PPFIA2: variants seen among roughly 807,000 people sequenced by gnomAD.
PPFIA2 encodes liprin-alpha-2.
Under a neutral mutation model 175.5 loss-of-function variants are expected in PPFIA2, and 46 were observed. The ratio of observed to expected loss-of-function variants is 0.26; its 90% CI spans 0.21 to 0.34. PPFIA2 has a LOEUF of 0.34. PPFIA2 is among the 10% of genes least tolerant of loss of function. The pLI is 1.00. For missense variants in PPFIA2, 1,179 were observed against 1,506.1 expected, an observed-to-expected ratio of 0.78 and a Z score of 3.60; for synonymous variants, 568 against 511.4, an observed-to-expected ratio of 1.11 and a Z score of -1.49.
intron 4 of PPFIA2, among the ~76,000 whole-genome samples, chr12:81,646,570 G>A (rs1296309278): frequency 6.6e-6 from 1 of 152,154 alleles, no homozygotes; most frequent in Non-Finnish European, 1.5e-5. Context: ...AAAGTCTTCT[G>A]AAAGTTAAAA....
At chr12:81,747,823 T>C (rs557024578) in intron 3 of PPFIA2, among the ~76,000 whole-genome samples, 2 of 144,376 alleles carry the variant, frequency 1.4e-5, no homozygotes, top group East Asian at 2.1e-4. Context: ...GTTTGAATTT[T>C]AGAATGTCAA....
chr12:81,553,407 G>C (rs1189272441), intron 4 of PPFIA2, among the ~76,000 whole-genome samples: 4 of 151,992 alleles, frequency 2.6e-5, no homozygotes, highest in Non-Finnish European at 1.5e-5. Context: ...ACGTTAGCTT[G>C]TCCTACTCCC....
chr12:81,578,336 G>C (rs972584842), intron 4 of PPFIA2, among the ~76,000 whole-genome samples: 1 of 151,556 alleles, frequency 6.6e-6, no homozygotes. Flanking sequence ...TTGTCCTTGA[G>C]GTTATCAACC....
chr12:81,466,943 A>AAT (rs937140903), intron 4 of PPFIA2, among the ~76,000 whole-genome samples: 27 of 147,786 alleles, frequency 1.8e-4, no homozygotes, highest in African/African-American at 2.9e-4. Flanking sequence ...AATATACATA[A>AAT]ATATATATAT....
At chr12:81,624,439 AT>A (rs1567615784) in intron 4 of PPFIA2, among the ~76,000 whole-genome samples, 8 of 146,982 alleles carry the variant, frequency 5.4e-5, no homozygotes, top group Non-Finnish European at 9.0e-5. Context: ...ATATACATAT[AT>A]TATATGTATA....
chr12:81,468,305 C>T (rs1416829147), intron 4 of PPFIA2, among the ~76,000 whole-genome samples: 1 of 152,160 alleles, frequency 6.6e-6, no homozygotes, highest in East Asian at 1.9e-4. Flanking sequence ...TTATTTGATG[C>T]TTCATGCATT....
chr12:81,316,118 C>A (rs1259753673), intron 22 of PPFIA2, among the ~76,000 whole-genome samples: 1 of 151,488 alleles, frequency 6.6e-6, no homozygotes, highest in Non-Finnish European at 1.5e-5. Context: ...TACACACACA[C>A]ACACATATAT....
intron 3 of PPFIA2, among the ~76,000 whole-genome samples, chr12:81,713,739 T>C (rs963729702): frequency 2.0e-5 from 3 of 151,240 alleles, no homozygotes; most frequent in Non-Finnish European, 4.4e-5. Context: ...TTTATTGCTG[T>C]CTAATTTTAC....
chr12:81,413,988 T>C (rs1192665797), intron 7 of PPFIA2, among the ~76,000 whole-genome samples: 2 of 151,762 alleles, frequency 1.3e-5, no homozygotes, highest in Non-Finnish European at 3.0e-5. Context: ...ATGCCCCATA[T>C]GAAATAAAAC....
chr12:81,502,054 CAGAA>C, intron 4 of PPFIA2, among the ~76,000 whole-genome samples: 1 of 152,284 alleles, frequency 6.6e-6, no homozygotes, highest in Middle Eastern at 3.4e-3. Context: ...CATATTTTCA[CAGAA>C]ACCATGCCCT....
chr12:81,531,785 C>A (rs1300389008), intron 4 of PPFIA2, among the ~76,000 whole-genome samples: 1 of 151,476 alleles, frequency 6.6e-6, no homozygotes, highest in African/African-American at 2.4e-5. Flanking sequence ...AGGTAAGGTA[C>A]CCTTGACTGG....
Position 81,556,359 on chromosome 12 carries a change from T to C in PPFIA2, c.304-98493A>G, listed in dbSNP as rs2068859621. ...TCATGAATAATGCAAATGGGTTTAT[T>C]GGGGTCCTAACATTTTAAACTACAT... On this transcript the variant is annotated intron_variant, in intron 4 of 32. Transcript: ENST00000549396. 2.0e-5 allele frequency among the ~76,000 whole-genome samples: 3 copies of C among 151,940 alleles called. No homozygotes were observed. The South Asian group carries it at 6.2e-4, about 31-fold the overall frequency.
chr12:81,321,073 G>GAGAGA (rs59934095), intron 22 of PPFIA2, among the ~76,000 whole-genome samples: 4 of 151,018 alleles, frequency 2.6e-5, no homozygotes, highest in South Asian at 2.1e-4. Flanking sequence ...GAGAGAGAGA[G>GAGAGA]GAAAAAGAAA....
At chr12:81,507,563 T>G (rs2061315255) in intron 4 of PPFIA2, among the ~76,000 whole-genome samples, 1 of 152,200 alleles carries the variant, frequency 6.6e-6, no homozygotes, top group African/African-American at 2.4e-5. Context: ...CTCTCTTTTA[T>G]TTTTTATTCA....
chr12:81,622,646 A>T (rs1333098123), intron 4 of PPFIA2, among the ~76,000 whole-genome samples: 1 of 152,112 alleles, frequency 6.6e-6, no homozygotes, highest in Non-Finnish European at 1.5e-5. Flanking sequence ...AACTACCAAA[A>T]TCCTAAAAAG....
intron 4 of PPFIA2, among the ~76,000 whole-genome samples, chr12:81,586,062 T>C (rs2075268368): frequency 6.6e-6 from 1 of 151,988 alleles, no homozygotes; most frequent in South Asian, 2.1e-4. Context: ...CACTTTGTCA[T>C]TGACCACAAT....
intron 27 of PPFIA2, among the ~76,000 whole-genome samples, chr12:81,280,277 A>T (rs1305671674): frequency 6.6e-6 from 1 of 152,184 alleles, no homozygotes; most frequent in Non-Finnish European, 1.5e-5. Context: ...TGGATTCTCC[A>T]TCCAGCACTT....
chr12:81,311,998 A>G (rs1391474640), intron 22 of PPFIA2: 1 of 641,124 alleles, frequency 1.6e-6, no homozygotes, highest in Non-Finnish European at 2.6e-6. Flanking sequence ...TGAACCAATG[A>G]TTCCTTTTAC....
intron 4 of PPFIA2, among the ~76,000 whole-genome samples, chr12:81,624,589 A>G (rs2062469149): frequency 6.8e-6 from 1 of 146,524 alleles, no homozygotes; most frequent in Non-Finnish European, 1.5e-5. Context: ...AAATATATAT[A>G]TATCATATAT....
Sources: allele counts gnomAD v4.1 joint callset (sites outside exome capture counted in the v4.1 genomes callset), GRCh38; gene constraint gnomAD v4.1.1; transcripts MANE v1.5; gene names NCBI Gene and HGNC (gene_info 2026-07-23, HGNC 2026-07-21).